Variants in PCDHGA3 observed in about 807,000 individuals in gnomAD.
PCDHGA3 encodes the protein protocadherin gamma subfamily A, 3, also known as protocadherin gamma-A3.
PCDHGA3 carries 40 observed loss-of-function variants against 58.5 expected under a neutral mutation model. The ratio of observed to expected loss-of-function variants is 0.68; its 90% CI spans 0.53 to 0.89. PCDHGA3 has a LOEUF of 0.89. Among genes scored for constraint, PCDHGA3 ranks in the 40% least tolerant of loss-of-function variants. The pLI is 0.00. For missense variants in PCDHGA3, 1,223 were observed against 1,195.9 expected, an observed-to-expected ratio of 1.02 and a Z score of -0.33; for synonymous variants, 530 against 525.7, an observed-to-expected ratio of 1.01 and a Z score of -0.11.
intron 1 of PCDHGA3, among the ~76,000 whole-genome samples, chr5:141,475,035 G>T (rs983190948): frequency 2.0e-5 from 3 of 152,132 alleles, no homozygotes. Context: ...GTGACTAAAG[G>T]CTTTGTATTT....
At chr5:141,474,912 C>T (rs1018411233) in intron 1 of PCDHGA3, among the ~76,000 whole-genome samples, 6 of 152,214 alleles carry the variant, frequency 3.9e-5, no homozygotes, top group African/African-American at 1.2e-4. Flanking sequence ...CAAGGATATA[C>T]ATCTCATCTC....
chr5:141,405,165 C>T (rs745998723), intron 1 of PCDHGA3: 1 of 1,614,096 alleles, frequency 6.2e-7, no homozygotes, highest in Admixed American at 1.7e-5. Flanking sequence ...GTGCCCACCT[C>T]ACACTTTGTG....
intron 1 of PCDHGA3, chr5:141,362,282 G>T (rs750712376): frequency 1.2e-6 from 2 of 1,613,920 alleles, no homozygotes; most frequent in Non-Finnish European, 1.7e-6. Flanking sequence ...CTGCGCCTGC[G>T]ACTCTCTTCC....
chr5:141,400,352 G>A (rs1214813312), intron 1 of PCDHGA3: 2 of 1,614,044 alleles, frequency 1.2e-6, no homozygotes, highest in Non-Finnish European at 1.7e-6. Flanking sequence ...TACAGTCAGG[G>A]GACTTTGCCT....
At chr5:141,470,323 A>G (rs1029928511) in intron 1 of PCDHGA3, among the ~76,000 whole-genome samples, 1 of 152,188 alleles carries the variant, frequency 6.6e-6, no homozygotes, top group Non-Finnish European at 1.5e-5. Context: ...AAATGATCCC[A>G]TAATTTGACC....
At chr5:141,358,794 G>T (rs1283830662) in intron 1 of PCDHGA3, among the ~76,000 whole-genome samples, 120 of 152,324 alleles carry the variant, frequency 7.9e-4, no homozygotes, top group Non-Finnish European at 4.4e-5. Context: ...CTTGGGTTCT[G>T]GACTGATATG....
intron 1 of PCDHGA3, chr5:141,357,466 G>A (rs1760618081): frequency 2.5e-6 from 4 of 1,614,180 alleles, no homozygotes; most frequent in Non-Finnish European, 3.4e-6. Context: ...CTATTCCCAC[G>A]AGGTCTCCCT....
At chr5:141,423,617 A>T (rs1426014397) in intron 1 of PCDHGA3, 3 of 1,608,486 alleles carry the variant, frequency 1.9e-6, no homozygotes, top group Admixed American at 1.7e-5. Flanking sequence ...ATAGCTGAAG[A>T]CTCAGCTATC....
intron 1 of PCDHGA3, among the ~76,000 whole-genome samples, chr5:141,488,738 A>G (rs1462948813): frequency 1.3e-5 from 2 of 152,222 alleles, no homozygotes; most frequent in Non-Finnish European, 2.9e-5. Context: ...TTCTGAAGTC[A>G]TGCAGGAAGT....
At chr5:141,360,766 G>A in intron 1 of PCDHGA3, 2 of 1,613,872 alleles carry the variant, frequency 1.2e-6, no homozygotes, top group Non-Finnish European at 1.7e-6. Flanking sequence ...ACATCAATTG[G>A]TCCTCACAGC....
At chr5:141,500,182 ATT>A (rs1199992745) in intron 2 of PCDHGA3, among the ~76,000 whole-genome samples, 2 of 131,622 alleles carry the variant, frequency 1.5e-5, no homozygotes, top group African/African-American at 3.1e-5. Flanking sequence ...CTTCATTTTT[ATT>A]TTTATTTATT....
chr5:141,416,728 T>C (rs2096057160), intron 1 of PCDHGA3: 1 of 152,232 alleles, frequency 6.6e-6, no homozygotes, highest in Non-Finnish European at 1.5e-5. Context: ...GTTCATTTAG[T>C]TCAATGAAAA....
intron 1 of PCDHGA3, among the ~76,000 whole-genome samples, chr5:141,363,979 A>G (rs1179984185): frequency 6.6e-6 from 1 of 152,272 alleles, no homozygotes; most frequent in Non-Finnish European, 1.5e-5. Flanking sequence ...GCTATTCAGA[A>G]TTAAAGCTGA....
intron 2 of PCDHGA3, among the ~76,000 whole-genome samples, chr5:141,502,478 A>G (rs2099814452): frequency 6.6e-6 from 1 of 150,896 alleles, no homozygotes; most frequent in Non-Finnish European, 1.5e-5. Flanking sequence ...CCGCAGCATC[A>G]CACTGGGACT....
intron 1 of PCDHGA3, chr5:141,383,187 C>CGGGAAGA: frequency 6.2e-7 from 1 of 1,614,076 alleles, no homozygotes; most frequent in Non-Finnish European, 8.5e-7. Context: ...AAGAGATCTG[C>CGGGAAGA]GCTCAGAGTG....
At position 141,376,251 on chromosome 5, in the gene PCDHGA3, G is replaced by A. The variant is rs748938190; in HGVS notation, c.2424+29794G>A. 11 of 1,614,110 alleles carry A rather than the reference G, an allele frequency of 6.8e-6. No individual in the cohort carries two copies. The East Asian group carries it at 1.8e-4, about 26-fold the overall frequency. On this transcript the variant is annotated intron_variant, in intron 1 of 3. Transcript: ENST00000253812. ...AGACTGCAGCGCTGGCACAAGTCAC[G>A]CCTGCTGCAGGCTTCGGGAGGTGGC...
At chr5:141,413,460 C>T (rs1561742736) in intron 1 of PCDHGA3, 4 of 1,613,974 alleles carry the variant, frequency 2.5e-6, no homozygotes, top group Middle Eastern at 1.6e-4. Context: ...GCAGGATAGA[C>T]CGGGAGGAGC....
At chr5:141,475,959 A>T (rs963363028) in intron 1 of PCDHGA3, 15 of 817,720 alleles carry the variant, frequency 1.8e-5, no homozygotes, top group East Asian at 2.6e-5. Context: ...GCGCCCCGGG[A>T]TGAGGCAGAG....
intron 1 of PCDHGA3, chr5:141,414,518 A>G (rs746198767): frequency 1.9e-6 from 3 of 1,614,000 alleles, no homozygotes; most frequent in Non-Finnish European, 2.5e-6. Flanking sequence ...CAAGTGGCAG[A>G]TATCAATGAC....
Sources: gnomAD v4.1 joint callset for allele counts (sites outside exome capture counted in the v4.1 genomes callset) on GRCh38, gnomAD v4.1.1 for gene constraint, MANE v1.5 for transcripts, NCBI Gene and HGNC (gene_info 2026-07-23, HGNC 2026-07-21) for gene names.